FAM185A: variants seen among roughly 807,000 people sequenced by gnomAD.
FAM185A encodes the protein protein FAM185A.
A neutral mutation model predicts 45.7 loss-of-function variants in FAM185A; 21 were observed. The observed-to-expected ratio is 0.46, with a 90% confidence interval of 0.33 to 0.66. The LOEUF (loss-of-function observed/expected upper bound fraction) is 0.66. Ranked by LOEUF, FAM185A falls within the 30% of genes least tolerant of loss-of-function variation. FAM185A has a pLI of 0.03. For missense variants in FAM185A, 305 were observed against 485.4 expected (o/e 0.63, Z 3.49); for synonymous variants, 117 against 194.0 (o/e 0.60, Z 3.30).
intron 4 of FAM185A, among the ~76,000 whole-genome samples, chr7:102,767,700 C>G (rs1421912995): frequency 6.6e-6 from 1 of 152,070 alleles, no homozygotes; most frequent in Non-Finnish European, 1.5e-5. Context: ...GTCTCTAGCC[C>G]TGACTAATTT....
At position 102,749,086 on chromosome 7, in the gene FAM185A, A is replaced by C; in HGVS notation, c.-122A>C. 7.1e-7 allele frequency: 1 copy of C among 1,417,938 alleles called. No homozygotes were observed. 87.8% of individuals were successfully genotyped at this position (1,417,938 alleles called of 1,614,324 possible). A position where few individuals can be genotyped will look rare whatever the true frequency, so the allele number is the denominator to read the frequency against. ...AAGCCAACCGGCTCGCTCTTGTTTC[A>C]GCAAACCCTGACTTACGTCTCCTAT... On this transcript the variant is annotated 5_prime_UTR_variant, in exon 1 of 8. Transcript: ENST00000413034.
intron 2 of FAM185A, chr7:102,755,997 A>C: frequency 2.4e-6 from 1 of 420,856 alleles, no homozygotes; most frequent in Admixed American, 3.4e-5. Flanking sequence ...AAAAATAAAA[A>C]AAAGTGCTTT....
chr7:102,767,354 A>AT (rs998194032), intron 4 of FAM185A, among the ~76,000 whole-genome samples: 9 of 150,974 alleles, frequency 6.0e-5, no homozygotes, highest in South Asian at 4.2e-4. Flanking sequence ...AGAAGTGCAT[A>AT]TATTACTTCT....
At chr7:102,776,096 C>CCATA (rs1562858762) in intron 5 of FAM185A, among the ~76,000 whole-genome samples, 1 of 97,146 alleles carries the variant, frequency 1.0e-5, no homozygotes, top group Admixed American at 9.3e-5. Flanking sequence ...ATGTTGGCTC[C>CCATA]TATACACACA....
At chr7:102,822,221 G>T in the FAM185A span, 1 of 1,612,668 alleles carries the variant, frequency 6.2e-7, no homozygotes, top group Non-Finnish European at 8.5e-7. Context: ...CAGAGCCAAA[G>T]TAAGTACTGG....
the FAM185A span, among the ~76,000 whole-genome samples, chr7:102,828,863 C>G: frequency 6.6e-6 from 1 of 152,214 alleles, no homozygotes; most frequent in Non-Finnish European, 1.5e-5. Flanking sequence ...TGTGACCTGG[C>G]TCAATCACCT....
the FAM185A span, among the ~76,000 whole-genome samples, chr7:102,838,760 C>T: frequency 6.6e-6 from 1 of 152,128 alleles, no homozygotes. Flanking sequence ...AAAGTCATCG[C>T]CATTCTGCAG....
chr7:102,806,122 T>C (rs6969054), intron 7 of FAM185A, among the ~76,000 whole-genome samples: 68,895 of 152,056 alleles, frequency 0.45, 17,341 homozygotes, highest in African/African-American at 0.68. Flanking sequence ...ACCTTTTTGG[T>C]TATTGTTTTA....
At chr7:102,831,958 T>C in the FAM185A span, among the ~76,000 whole-genome samples, 3 of 152,224 alleles carry the variant, frequency 2.0e-5, no homozygotes, top group African/African-American at 7.2e-5. Flanking sequence ...GTCCATAGTA[T>C]ATTAAAAAGT....
rs554023803 is a variant in FAM185A, at chr7:102,782,255, G to A, written c.931+4907G>A. On this transcript the variant is annotated intron_variant, in intron 6 of 7. Transcript: ENST00000413034. ...GATATTATCCAGGAGAACTTCCCCAGTCTAGCAAGGCAGGCCAACATTCAG... is the reference window on the plus strand; with the variant it reads ...GATATTATCCAGGAGAACTTCCCCAATCTAGCAAGGCAGGCCAACATTCAG... 1.1e-4 allele frequency among the ~76,000 whole-genome samples: 17 copies of A among 152,082 alleles called. No homozygotes were observed. In the East Asian group the frequency reaches 3.3e-3, roughly 29 times the overall value.
At chr7:102,781,824 T>C (rs1168172270) in intron 6 of FAM185A, among the ~76,000 whole-genome samples, 1 of 151,476 alleles carries the variant, frequency 6.6e-6, no homozygotes, top group Non-Finnish European at 1.5e-5. Context: ...CTTTGACGAG[T>C]TGAGAGAAGG....
chr7:102,761,938 C>T (rs1206886144), intron 4 of FAM185A, among the ~76,000 whole-genome samples: 2 of 152,182 alleles, frequency 1.3e-5, no homozygotes, highest in African/African-American at 4.8e-5. Context: ...GCTAGGATTA[C>T]AGGTGTGAGC....
chr7:102,760,148 G>A (rs1794022383), intron 3 of FAM185A, among the ~76,000 whole-genome samples: 1 of 152,038 alleles, frequency 6.6e-6, no homozygotes, highest in African/African-American at 2.4e-5. Flanking sequence ...TTTCCTCTCA[G>A]TCTGGGCTAT....
chr7:102,773,506 T>C (rs1794877273), intron 5 of FAM185A, among the ~76,000 whole-genome samples: 1 of 152,168 alleles, frequency 6.6e-6, no homozygotes, highest in South Asian at 2.1e-4. Flanking sequence ...TAAATAAAGC[T>C]GCTATGAATA....
chr7:102,791,014 C>T (rs1299888985), intron 7 of FAM185A, among the ~76,000 whole-genome samples: 2 of 152,004 alleles, frequency 1.3e-5, no homozygotes, highest in South Asian at 4.2e-4. Context: ...ATGTTATAAA[C>T]GTATGTACAT....
intron 5 of FAM185A, among the ~76,000 whole-genome samples, chr7:102,772,800 C>T (rs1794837279): frequency 6.6e-6 from 1 of 150,396 alleles, no homozygotes; most frequent in Non-Finnish European, 1.5e-5. Flanking sequence ...AATGTGTTAA[C>T]ATTTGAAGAC....
chr7:102,749,182 C>T lies in FAM185A; in HGVS notation c.-26C>T. 17 of 1,551,170 alleles carry T rather than the reference C, an allele frequency of 1.1e-5. No homozygotes were observed. The highest frequency in any genetic ancestry group is 1.5e-5 in the Non-Finnish European group (17 of 1,146,896). On this transcript the variant is annotated 5_prime_UTR_variant, in exon 1 of 8. Transcript: ENST00000413034. ...TGACCCTCCCTGTGGCTGAAGTGTT[C>T]TGAGGACTGGCGAGAGAGGCGCGCC... is the stretch of plus-strand genomic sequence containing the variant.
Position 102,808,297 on chromosome 7 carries a change from GA to G in FAM185A, c.1076del (p.Asn359IlefsTer19). On this transcript the variant is annotated frameshift_variant, in exon 8 of 8. Transcript: ENST00000413034. LOFTEE classifies it high-confidence loss of function. Reference protein sequence around the residue: ...DDVVTVTGLMNQASKREKWIK... With the variant: ...DDVVTVTGLMXQASKREKWIK... Reference sequence around the variant, plus strand: ...TGCAATTTTGTGTTTTAGGACTCATGAATCAAGCAAGCAAACGTGAAAAATG... The same window carrying G: ...TGCAATTTTGTGTTTTAGGACTCATGATCAAGCAAGCAAACGTGAAAAATG... 1 of 1,551,164 alleles carries G rather than the reference GA, an allele frequency of 6.4e-7. No individual in the cohort carries two copies.
At chr7:102,775,651 A>G (rs910270981) in intron 5 of FAM185A, among the ~76,000 whole-genome samples, 2 of 152,224 alleles carry the variant, frequency 1.3e-5, no homozygotes, top group Non-Finnish European at 2.9e-5. Context: ...CCACATAAAA[A>G]TTGTGTGTGT....
Sources: gnomAD v4.1 joint callset for allele counts (sites outside exome capture counted in the v4.1 genomes callset) on GRCh38, gnomAD v4.1.1 for gene constraint, MANE v1.5 for transcripts, NCBI Gene and HGNC (gene_info 2026-07-23, HGNC 2026-07-21) for gene names.